Variants in USP42 observed in about 807,000 individuals in gnomAD.
USP42 encodes the protein ubiquitin carboxyl-terminal hydrolase 42.
In USP42, 23 loss-of-function variants were observed where a neutral mutation model predicts 113.0. The observed-to-expected ratio is 0.20, with a 90% confidence interval of 0.15 to 0.29. The LOEUF is 0.29. Ranked by LOEUF, USP42 falls within the 10% of genes least tolerant of loss-of-function variation. The pLI, the probability that USP42 is intolerant of heterozygous loss-of-function variation, is 1.00. For missense variants in USP42, 2,174 were observed against 1,779.8 expected (o/e 1.22, Z -3.99); for synonymous variants, 933 against 699.0 (o/e 1.33, Z -5.28).
At chr7:6,099,874 A>C in the USP42 span, among the ~76,000 whole-genome samples, 1 of 150,566 alleles carries the variant, frequency 6.6e-6, no homozygotes, top group African/African-American at 2.5e-5. Flanking sequence ...GAGGCAGGAG[A>C]ATCACTTAAA....
chr7:6,155,231 C>T (rs1250546916), intron 15 of USP42, 36 bp downstream of exon 15: 11 of 1,490,644 alleles, frequency 7.4e-6, no homozygotes, highest in East Asian at 2.5e-5. Flanking sequence ...GAGGCGCTGG[C>T]GCTGCTGTCA....
chr7:6,105,529 G>T (rs913170328), intron 1 of USP42, among the ~76,000 whole-genome samples: 1 of 130,214 alleles, frequency 7.7e-6, no homozygotes, highest in Admixed American at 8.2e-5. Flanking sequence ...GCCCCGGGCC[G>T]GCCTCCCCGC....
intron 12 of USP42, among the ~76,000 whole-genome samples, chr7:6,149,140 G>C (rs1005554706): frequency 5.9e-5 from 9 of 152,190 alleles, no homozygotes; most frequent in African/African-American, 1.9e-4. Context: ...GGTCATGGCT[G>C]AGTGAGTGGC....
rs528232451 is a variant in USP42, at chr7:6,131,215, C to T, written c.443-4626C>T. On this transcript the variant is annotated intron_variant, in intron 3 of 17. Coordinates refer to ENST00000306177, the MANE Select transcript of USP42 (RefSeq NM_032172.3). ...AGGATGTCAAAACATCATAATAATT[C>T]TTACAATTCCAGCAGTTTGGGAGGC... Among the ~76,000 whole-genome samples, 16 of 152,302 alleles carry T rather than the reference C, an allele frequency of 1.1e-4. No individual in the cohort carries two copies. In the South Asian group the frequency reaches 3.1e-3, roughly 30 times the overall value.
intron 4 of USP42, among the ~76,000 whole-genome samples, chr7:6,137,730 A>AGTGCAGTG (rs1197315904): frequency 5.3e-5 from 8 of 152,104 alleles, no homozygotes; most frequent in Non-Finnish European, 1.0e-4. Context: ...CCTAGGCTGG[A>AGTGCAGTG]GTGCAGTGGT....
At chr7:6,104,678 G>T (rs1779149202), upstream of USP42, among the ~76,000 whole-genome samples, 1 of 152,278 alleles carries the variant, frequency 6.6e-6, no homozygotes, top group East Asian at 1.9e-4. Flanking sequence ...GCAGACGCGC[G>T]ACCAGCCCAG....
intron 3 of USP42, among the ~76,000 whole-genome samples, chr7:6,121,733 T>C (rs1262201282): frequency 6.6e-6 from 1 of 152,180 alleles, no homozygotes; most frequent in Non-Finnish European, 1.5e-5. Context: ...GGCAAGATCA[T>C]ACCTCACTGC....
At chr7:6,146,126 T>C in intron 10 of USP42, 22 bp from the exon 11 acceptor site, 1 of 1,465,556 alleles carries the variant, frequency 6.8e-7, no homozygotes, top group Non-Finnish European at 9.3e-7. Context: ...AATCTCTCTC[T>C]TTTATTGGCT....
In USP42 at chr7:6,148,811, A is replaced by T. The variant is rs142059017; in HGVS notation, c.1387-772A>T. Among the ~76,000 whole-genome samples, 335 of 152,340 alleles carry T rather than the reference A, an allele frequency of 2.2e-3. 1 individual carries two copies. The highest frequency in any genetic ancestry group is 7.3e-3 in the African/African-American group (304 of 41,588). On this transcript the variant is annotated intron_variant, in intron 12 of 17. Transcript: ENST00000306177. ...TATTTGAGGTATAACAGAGTCACAC[A>T]TCAAATGCCCAGCGGGCTCCCCTTT...
At chr7:6,106,240 G>T (rs187571959) in intron 1 of USP42, among the ~76,000 whole-genome samples, 4 of 152,162 alleles carry the variant, frequency 2.6e-5, no homozygotes, top group African/African-American at 9.7e-5. Flanking sequence ...TAAGACGAAG[G>T]TTTTGTCTTT....
intron 2 of USP42, 41 bp from the exon 3 acceptor site, chr7:6,115,282 G>A: frequency 1.3e-6 from 2 of 1,596,174 alleles, no homozygotes. Flanking sequence ...GCTTCAGTAT[G>A]CAAAGCTTGG....
chr7:6,090,360 TTATA>T, the USP42 span, among the ~76,000 whole-genome samples: 1 of 138,402 alleles, frequency 7.2e-6, no homozygotes, highest in African/African-American at 2.8e-5. Flanking sequence ...ATATATATAT[TTATA>T]TATATTTCTT....
At chr7:6,103,345 T>G (rs1486014241), upstream of USP42, among the ~76,000 whole-genome samples, 1 of 150,666 alleles carries the variant, frequency 6.6e-6, no homozygotes, top group Non-Finnish European at 1.5e-5. Context: ...GAGACCAGCC[T>G]GACCAACATG....
the USP42 span, among the ~76,000 whole-genome samples, chr7:6,081,474 C>CT: frequency 6.6e-6 from 1 of 152,200 alleles, no homozygotes; most frequent in African/African-American, 2.4e-5. Context: ...CGCCTCGCTC[C>CT]TTGCCCACAG....
intron 3 of USP42, among the ~76,000 whole-genome samples, chr7:6,127,941 G>T (rs1780628372): frequency 6.6e-6 from 1 of 151,676 alleles, no homozygotes; most frequent in Admixed American, 6.6e-5. Flanking sequence ...CTTTGTTTTT[G>T]AGACAGAATC....
At chr7:6,120,633 G>C (rs960472438) in intron 3 of USP42, among the ~76,000 whole-genome samples, 2 of 152,218 alleles carry the variant, frequency 1.3e-5, no homozygotes, top group Admixed American at 6.5e-5. Flanking sequence ...GCCCAGGCTG[G>C]AGTGCAGTGG....
the USP42 span, among the ~76,000 whole-genome samples, chr7:6,092,439 A>C: frequency 6.6e-6 from 1 of 150,778 alleles, no homozygotes; most frequent in East Asian, 1.9e-4. Flanking sequence ...TTGGGCTCTC[A>C]AAGTTCTGGG....
At chr7:6,109,473 A>T (rs559266920) in intron 1 of USP42, among the ~76,000 whole-genome samples, 16 of 152,032 alleles carry the variant, frequency 1.1e-4, no homozygotes, top group Non-Finnish European at 2.1e-4. Context: ...GCTCACTGCA[A>T]TCTCTGCCTT....
intron 4 of USP42, 23 bp downstream of exon 4, chr7:6,135,974 T>C (rs1781120142): frequency 2.1e-6 from 3 of 1,452,092 alleles, no homozygotes; most frequent in Non-Finnish European, 2.8e-6. Context: ...TATTGTAGTT[T>C]TATATTTGTA....
Sources: allele counts gnomAD v4.1 joint callset (sites outside exome capture counted in the v4.1 genomes callset), GRCh38; gene constraint gnomAD v4.1.1; transcripts MANE v1.5; gene names NCBI Gene and HGNC (gene_info 2026-07-23, HGNC 2026-07-21).